The following LAMA1 variants were observed in gnomAD, a reference collection of about 807,000 sequenced individuals.
LAMA1 encodes laminin subunit alpha-1.
Under a neutral mutation model 348.7 loss-of-function variants are expected in LAMA1, and 219 were observed. The observed-to-expected ratio is 0.63, with a 90% CI of 0.56 to 0.70. LAMA1 has a LOEUF of 0.70. Among genes scored for constraint, LAMA1 ranks in the 30% least tolerant of loss-of-function variants. LAMA1 has a pLI of 0.00. For missense variants in LAMA1, 3,744 were observed against 3,888.0 expected (o/e 0.96, Z 0.99); for synonymous variants, 1,487 against 1,491.0 (o/e 1.00, Z 0.06).
rs890614372 is a variant in LAMA1 at position 6,963,707 on chromosome 18, T to C, written c.7337+955A>G. Among the ~76,000 whole-genome samples, 3 of 152,200 alleles carry C rather than the reference T, an allele frequency of 2.0e-5. 1 individual carries two copies. Among genetic ancestry groups the C allele is most frequent in the Admixed American group, 6.5e-5 (1 of 15,272 alleles). ...CAGTTTGGACATCTAATGACCCCAC[T>C]CCCTGCAAGCTGTCTTACCTTGACT... On this transcript the variant is annotated intron_variant, in intron 51 of 62. Transcript: ENST00000389658.
At chr18:7,117,516 C>T (rs2058362559) in intron 1 of LAMA1, 144 bp downstream of exon 1, 3 of 768,482 alleles carry the variant, frequency 3.9e-6, no homozygotes, top group Non-Finnish European at 6.2e-6. Context: ...CGCGGGAGAC[C>T]CACGTGGCCG....
At chr18:7,060,937 C>T (rs546040875) in intron 3 of LAMA1, among the ~76,000 whole-genome samples, 1 of 152,260 alleles carries the variant, frequency 6.6e-6, no homozygotes, top group South Asian at 2.1e-4. Context: ...GGGCAGACTG[C>T]TTGAGCCCAG....
chr18:7,018,710 T>C (rs577424273), intron 19 of LAMA1, among the ~76,000 whole-genome samples: 60 of 152,282 alleles, frequency 3.9e-4, no homozygotes, highest in Admixed American at 1.6e-3. Flanking sequence ...GCACTCTTTA[T>C]AAATGTGTGG....
chr18:6,943,694 C>CA (rs924598240), intron 61 of LAMA1, among the ~76,000 whole-genome samples: 12 of 151,558 alleles, frequency 7.9e-5, no homozygotes, highest in Non-Finnish European at 1.6e-4. Flanking sequence ...ACTAAAAACA[C>CA]AAAAAAATTA....
At chr18:7,075,281 G>C (rs1437854025) in intron 3 of LAMA1, among the ~76,000 whole-genome samples, 1 of 151,994 alleles carries the variant, frequency 6.6e-6, no homozygotes, top group Non-Finnish European at 1.5e-5. Context: ...TTTCTATTCA[G>C]ACTGTGAACA....
intron 19 of LAMA1, among the ~76,000 whole-genome samples, chr18:7,020,308 G>T (rs1188216383): frequency 6.6e-6 from 1 of 152,140 alleles, no homozygotes; most frequent in Non-Finnish European, 1.5e-5. Flanking sequence ...CTCCTACCAA[G>T]CTTCAAGTGA....
chr18:7,010,137 T>G (rs2144113338), intron 26 of LAMA1, 63 bp downstream of exon 26: 1 of 1,577,726 alleles, frequency 6.3e-7, no homozygotes, highest in East Asian at 2.2e-5. Context: ...CTTTCATCTT[T>G]CACTACATCC....
At chr18:7,011,859 C>T in intron 24 of LAMA1, 136 bp downstream of exon 24, 1 of 1,074,510 alleles carries the variant, frequency 9.3e-7, no homozygotes, top group Admixed American at 2.3e-5. Context: ...CCTGTTCTAA[C>T]CCAAATTAGC....
chr18:7,042,049 G>T, intron 9 of LAMA1, 96 bp downstream of exon 9: 2 of 837,014 alleles, frequency 2.4e-6, no homozygotes, highest in Non-Finnish European at 4.0e-6. Context: ...CAATAATCAT[G>T]TTACCAACTG....
Position 6,982,554 on chromosome 18 carries a change from C to A in LAMA1, c.5833G>T (p.Val1945Leu). 6.2e-7 allele frequency: 1 copy of A among 1,614,140 alleles called. No individual in the cohort carries two copies. Among genetic ancestry groups the A allele is most frequent in the East Asian group, 2.2e-5 (1 of 44,872 alleles). ...ESLVSNGKAA[V>L]QRSSRFLKEG... ...TTTAGAAATCTGGAGCTGCGCTGCA[C>A]GGCCGCTTTCCCGTTAGAAACAAGG... The change falls in exon 41 of 63, where the codon GTG becomes TTG. Residue 1945 changes from valine (V) to leucine (L), a missense_variant. By Grantham distance (32) the Val-to-Leu change is conservative. This residue lies in a region of LAMA1 where 1,983 missense variants were observed against 1,934.3 expected (regional missense o/e 1.03). Coordinates refer to ENST00000389658, the MANE Select transcript of LAMA1 (RefSeq NM_005559.4).
intron 58 of LAMA1, among the ~76,000 whole-genome samples, chr18:6,949,886 T>C (rs2057538653): frequency 6.6e-6 from 1 of 152,218 alleles, no homozygotes; most frequent in Non-Finnish European, 1.5e-5. Flanking sequence ...AACCAGCCAT[T>C]GTTTCTCCTG....
At chr18:6,982,695 G>A in intron 40 of LAMA1, 105 bp from the exon 41 acceptor site, 1 of 953,832 alleles carries the variant, frequency 1.0e-6, no homozygotes. Context: ...CACATTCCCA[G>A]CAAGAAAGTC....
intron 57 of LAMA1, chr18:6,954,438 A>G (rs2057564941): frequency 6.6e-6 from 1 of 152,496 alleles, no homozygotes; most frequent in African/African-American, 2.4e-5. Flanking sequence ...CATTAGGGCT[A>G]GCGGCTTAGA....
At chr18:7,096,651 T>A (rs934359361) in intron 1 of LAMA1, among the ~76,000 whole-genome samples, 2 of 149,632 alleles carry the variant, frequency 1.3e-5, no homozygotes, top group African/African-American at 2.4e-5. Flanking sequence ...CAAGACACTC[T>A]CTCTCTCTCT....
intron 53 of LAMA1, chr18:6,959,757 T>C (rs1369290107): frequency 7.0e-6 from 3 of 429,094 alleles, no homozygotes; most frequent in African/African-American, 6.1e-5. Context: ...GGTTTATTGC[T>C]ACATTAGATA....
chr18:7,002,428 T>C (rs1452435500), intron 29 of LAMA1, 43 bp from the exon 30 acceptor site: 5 of 1,607,788 alleles, frequency 3.1e-6, no homozygotes, highest in Middle Eastern at 1.7e-4. Context: ...AATGGGAAAT[T>C]GTTAGAAATC....
intron 19 of LAMA1, among the ~76,000 whole-genome samples, chr18:7,020,605 A>G (rs1446847187): frequency 1.3e-5 from 2 of 152,176 alleles, no homozygotes; most frequent in Admixed American, 6.5e-5. Flanking sequence ...AAAGCTGTTA[A>G]GTGTTCAGAA....
chr18:6,969,895 G>C (rs1008032842), intron 48 of LAMA1, among the ~76,000 whole-genome samples: 4 of 152,210 alleles, frequency 2.6e-5, no homozygotes, highest in African/African-American at 9.6e-5. Flanking sequence ...GCTGTAGCTT[G>C]ACGTCAATGA....
chr18:7,115,785 A>G (rs1598327360), intron 1 of LAMA1, among the ~76,000 whole-genome samples: 2 of 127,774 alleles, frequency 1.6e-5, no homozygotes, highest in Admixed American at 1.0e-4. Flanking sequence ...CCTGGCCAAT[A>G]TGGTGAAACC....
Sources: allele counts gnomAD v4.1 joint callset (sites outside exome capture counted in the v4.1 genomes callset), GRCh38; gene constraint gnomAD v4.1.1; regional missense constraint gnomAD v4.1.1; transcripts MANE v1.5; gene names NCBI Gene and HGNC (gene_info 2026-07-23, HGNC 2026-07-21).